Variants in BCAT1 observed in about 807,000 individuals in gnomAD.
BCAT1 encodes the protein branched-chain-amino-acid aminotransferase, cytosolic.
In BCAT1, 48 loss-of-function variants were observed where a neutral mutation model predicts 52.4. The ratio of observed to expected loss-of-function variants is 0.92; its 90% CI spans 0.73 to 1.16. The LOEUF is 1.16. BCAT1 is among the 50% of genes most tolerant of loss of function. The pLI is 0.00. For missense variants in BCAT1, 451 were observed against 457.1 expected (o/e 0.99, Z 0.12); for synonymous variants, 167 against 161.3 (o/e 1.04, Z -0.27).
chr12:24,833,282 G>T (rs894544056), intron 8 of BCAT1, among the ~76,000 whole-genome samples: 1 of 152,194 alleles, frequency 6.6e-6, no homozygotes, highest in Non-Finnish European at 1.5e-5. Flanking sequence ...ATTTGGGGAG[G>T]CTGAGGCAGG....
intron 6 of BCAT1, among the ~76,000 whole-genome samples, chr12:24,848,855 A>T (rs1345366739): frequency 6.6e-6 from 1 of 152,154 alleles, no homozygotes; most frequent in Non-Finnish European, 1.5e-5. Context: ...GCCAGTGGGG[A>T]TGACTTTTAT....
intron 1 of BCAT1, among the ~76,000 whole-genome samples, chr12:24,939,688 C>T (rs112734494): frequency 2.0e-5 from 3 of 152,076 alleles, no homozygotes; most frequent in African/African-American, 7.2e-5. Flanking sequence ...AATACAAAAA[C>T]TAGCCAAGCA....
In BCAT1 at chr12:24,818,362, G is replaced by A. The variant is rs530815767; in HGVS notation, c.1120-313C>T. Among the ~76,000 whole-genome samples the A allele has an allele frequency of 4.8e-4, 73 of 152,206 alleles. No homozygotes were observed. The South Asian group carries it at 5.8e-3, about 12-fold the overall frequency. Reference sequence around the variant, plus strand: ...TGGTATAGGTCCTTTATCTATTTAGGTACATGCCTTTTCATTATCATTTCT... The same window carrying A: ...TGGTATAGGTCCTTTATCTATTTAGATACATGCCTTTTCATTATCATTTCT... On this transcript the variant is annotated intron_variant, in intron 10 of 10. Coordinates refer to ENST00000261192, the MANE Select transcript of BCAT1 (RefSeq NM_005504.7).
intron 1 of BCAT1, among the ~76,000 whole-genome samples, chr12:24,923,409 G>T (rs1377376130): frequency 1.3e-5 from 2 of 152,116 alleles, no homozygotes; most frequent in African/African-American, 4.8e-5. Flanking sequence ...ATTCAAGTGT[G>T]TGTATATATA....
At chr12:24,887,712 A>T (rs1942724235) in intron 3 of BCAT1, among the ~76,000 whole-genome samples, 1 of 152,202 alleles carries the variant, frequency 6.6e-6, no homozygotes, top group Non-Finnish European at 1.5e-5. Context: ...TCCATTTTTT[A>T]AAATTATGCT....
chr12:24,820,046 T>C (rs989006548), intron 10 of BCAT1, among the ~76,000 whole-genome samples: 5 of 152,226 alleles, frequency 3.3e-5, no homozygotes, highest in Non-Finnish European at 7.3e-5. Context: ...TTTTAGCAGA[T>C]CTACAGAACT....
intron 6 of BCAT1, among the ~76,000 whole-genome samples, chr12:24,843,874 T>G (rs1413171796): frequency 1.3e-5 from 2 of 152,100 alleles, no homozygotes; most frequent in African/African-American, 4.8e-5. Flanking sequence ...GTCTATAACC[T>G]GAAATACAGG....
intron 10 of BCAT1, among the ~76,000 whole-genome samples, chr12:24,826,699 T>A (rs1940412027): frequency 6.6e-6 from 1 of 152,222 alleles, no homozygotes. Context: ...TAATAGGGAT[T>A]GCATTGAATC....
intron 1 of BCAT1, among the ~76,000 whole-genome samples, chr12:24,909,132 TA>T (rs1209537458): frequency 1.2e-4 from 18 of 152,166 alleles, no homozygotes; most frequent in Non-Finnish European, 7.3e-5. Context: ...AGAGAAACCT[TA>T]AAAATATACA....
At chr12:24,846,456 A>G (rs1466211006) in intron 6 of BCAT1, among the ~76,000 whole-genome samples, 1 of 152,216 alleles carries the variant, frequency 6.6e-6, no homozygotes, top group African/African-American at 2.4e-5. Flanking sequence ...AAAGTAAGAA[A>G]GCTGTTGACA....
chr12:24,920,110 A>G (rs1210768396), intron 1 of BCAT1, among the ~76,000 whole-genome samples: 1 of 152,224 alleles, frequency 6.6e-6, no homozygotes, highest in Non-Finnish European at 1.5e-5. Context: ...TCTGTAAAAT[A>G]ATATTAATAA....
At chr12:24,828,213 C>A (rs1940490975) in intron 10 of BCAT1, among the ~76,000 whole-genome samples, 1 of 152,128 alleles carries the variant, frequency 6.6e-6, no homozygotes, top group Non-Finnish European at 1.5e-5. Flanking sequence ...AGTCTCAGGC[C>A]CTCTTGGATA....
intron 5 of BCAT1, among the ~76,000 whole-genome samples, chr12:24,871,951 G>A (rs1591826256): frequency 1.3e-5 from 2 of 152,148 alleles, no homozygotes; most frequent in East Asian, 3.9e-4. Flanking sequence ...ATAAACAGTG[G>A]AATATATATA....
At chr12:24,847,390 G>A (rs1339864641) in intron 6 of BCAT1, among the ~76,000 whole-genome samples, 4 of 152,158 alleles carry the variant, frequency 2.6e-5, no homozygotes, top group African/African-American at 4.8e-5. Flanking sequence ...GAAGTCTAGA[G>A]TTTTCATTAG....
intron 1 of BCAT1, chr12:24,902,247 T>C: frequency 2.2e-6 from 3 of 1,343,640 alleles, no homozygotes; most frequent in Non-Finnish European, 2.8e-6. Context: ...TGTTAAGCCA[T>C]TTATAGAAAA....
chr12:24,930,131 C>T (rs963089041), intron 1 of BCAT1, among the ~76,000 whole-genome samples: 2 of 152,224 alleles, frequency 1.3e-5, no homozygotes, highest in African/African-American at 4.8e-5. Flanking sequence ...TCTATTGCAT[C>T]ATGGTCACTT....
At chr12:24,903,091 A>C in intron 1 of BCAT1, 1 of 1,369,462 alleles carries the variant, frequency 7.3e-7, no homozygotes, top group Non-Finnish European at 9.4e-7. Flanking sequence ...CGCACGGCCC[A>C]TAGGGCGCTG....
chr12:24,824,278 C>CCTTCCTTCCTTT, intron 10 of BCAT1, among the ~76,000 whole-genome samples: 1 of 146,000 alleles, frequency 6.8e-6, no homozygotes, highest in African/African-American at 2.5e-5. Context: ...TTCCCTCCCT[C>CCTTCCTTCCTTT]CCTCCCTCCC....
At chr12:24,819,914 A>G (rs1309470688) in intron 10 of BCAT1, among the ~76,000 whole-genome samples, 1 of 152,174 alleles carries the variant, frequency 6.6e-6, no homozygotes, top group African/African-American at 2.4e-5. Context: ...TTCAAATTCT[A>G]CCTGATTTAT....
Sources: gnomAD v4.1 joint callset for allele counts (sites outside exome capture counted in the v4.1 genomes callset) on GRCh38, gnomAD v4.1.1 for gene constraint, MANE v1.5 for transcripts, NCBI Gene and HGNC (gene_info 2026-07-23, HGNC 2026-07-21) for gene names.